Variants in SMIM21 observed in about 807,000 individuals in gnomAD.
SMIM21 encodes chromosome 18 open reading frame 62.
SMIM21 carries 8 observed loss-of-function variants against 8.6 expected under a neutral mutation model. The observed-to-expected ratio is 0.93, with a 90% CI of 0.55 to 1.68. The LOEUF (loss-of-function observed/expected upper bound fraction) is 1.68, where lower values mean the gene tolerates loss of function less well. Ranked by LOEUF, SMIM21 falls within the 40% of genes most tolerant of loss-of-function variation. The pLI is 0.00. For synonymous variants in SMIM21, 43 were observed against 41.7 expected (o/e 1.03, Z -0.12); for missense variants, 132 against 123.0 (o/e 1.07, Z -0.35).
At chr18:75,426,570 A>G (rs959080297) in intron 1 of SMIM21, among the ~76,000 whole-genome samples, 3 of 145,000 alleles carry the variant, frequency 2.1e-5, no homozygotes, top group African/African-American at 5.2e-5. Flanking sequence ...CGGCCTCCCA[A>G]AGTGCTGAGA....
chr18:75,422,822 C>T (rs2024723444), intron 1 of SMIM21, among the ~76,000 whole-genome samples: 1 of 152,134 alleles, frequency 6.6e-6, no homozygotes, highest in African/African-American at 2.4e-5. Flanking sequence ...GGAGTGACTG[C>T]TGATGGTCAT....
Position 75,427,516 on chromosome 18 carries a change from C to T in SMIM21, c.48G>A (p.Gln16=). 6.2e-7 allele frequency: 1 copy of T among 1,614,004 alleles called. No individual in the cohort carries two copies. Among genetic ancestry groups the T allele is most frequent in the South Asian group, 1.1e-5 (1 of 91,056 alleles). The change falls in exon 1 of 3, where the codon CAG becomes CAA. Residue 16 remains glutamine (Q), a synonymous_variant. Transcript: ENST00000579022. ...STAPPRFPIA[Q]LGTFKQDSAG... ...CAGAGTCTTGTTTAAATGTTCCCAG[C>T]TGTGCTATAGGGAATCGGGGAGGAG...
intron 1 of SMIM21, among the ~76,000 whole-genome samples, chr18:75,422,644 G>T (rs2024721765): frequency 6.6e-6 from 1 of 152,190 alleles, no homozygotes; most frequent in Admixed American, 6.5e-5. Context: ...AAAAAGGAGT[G>T]AAGGTAGACA....
intron 1 of SMIM21, among the ~76,000 whole-genome samples, chr18:75,423,219 C>T (rs2024727992): frequency 1.3e-5 from 2 of 152,192 alleles, no homozygotes; most frequent in Admixed American, 1.3e-4. Context: ...GGTGAGGGTT[C>T]AAGGTTGAAG....
At chr18:75,423,847 G>T (rs2024733707) in intron 1 of SMIM21, among the ~76,000 whole-genome samples, 1 of 152,136 alleles carries the variant, frequency 6.6e-6, no homozygotes, top group African/African-American at 2.4e-5. Flanking sequence ...GTGTACAAGA[G>T]ACATAAAAGT....
intron 2 of SMIM21, among the ~76,000 whole-genome samples, chr18:75,412,115 G>T (rs1432269832): frequency 1.3e-5 from 2 of 152,160 alleles, no homozygotes; most frequent in African/African-American, 4.8e-5. Context: ...GTCCCCCAAG[G>T]CTTCCTGAGC....
At chr18:75,416,288 G>A (rs967809662) in intron 2 of SMIM21, 7 of 152,108 alleles carry the variant, frequency 4.6e-5, no homozygotes, top group East Asian at 3.8e-4. Flanking sequence ...AATCAATACC[G>A]TGGTTGAGCA....
At chr18:75,426,507 C>T (rs2024763812) in intron 1 of SMIM21, among the ~76,000 whole-genome samples, 1 of 151,726 alleles carries the variant, frequency 6.6e-6, no homozygotes, top group Non-Finnish European at 1.5e-5. Context: ...GATGGGGTTT[C>T]ACTGTGTTAG....
intron 2 of SMIM21, among the ~76,000 whole-genome samples, chr18:75,415,765 A>T (rs1318040895): frequency 6.6e-6 from 1 of 152,236 alleles, no homozygotes; most frequent in Non-Finnish European, 1.5e-5. Flanking sequence ...GGTAGCAAAG[A>T]CATCTTTTCA....
At chr18:75,421,999 C>T (rs1019913203) in intron 1 of SMIM21, among the ~76,000 whole-genome samples, 1 of 152,088 alleles carries the variant, frequency 6.6e-6, no homozygotes, top group Non-Finnish European at 1.5e-5. Flanking sequence ...ACCAATATGA[C>T]GTGATTGGGG....
chr18:75,423,580 G>T (rs2024731301), intron 1 of SMIM21, among the ~76,000 whole-genome samples: 1 of 152,256 alleles, frequency 6.6e-6, no homozygotes, highest in Admixed American at 6.5e-5. Flanking sequence ...GAGATTTGGA[G>T]AAGTCACTTT....
intron 2 of SMIM21, among the ~76,000 whole-genome samples, chr18:75,413,362 T>A (rs1487644575): frequency 6.6e-6 from 1 of 152,218 alleles, no homozygotes; most frequent in Non-Finnish European, 1.5e-5. Context: ...TATTTTCTCC[T>A]GATCACCCCC....
intron 1 of SMIM21, among the ~76,000 whole-genome samples, chr18:75,420,407 G>A (rs1462868217): frequency 6.6e-6 from 1 of 151,960 alleles, no homozygotes; most frequent in Non-Finnish European, 1.5e-5. Context: ...ACAAAATCAG[G>A]GTCTCTGTCT....
At chr18:75,418,310 TG>T (rs1413637333) in intron 2 of SMIM21, 2 of 394,992 alleles carry the variant, frequency 5.1e-6, no homozygotes, top group African/African-American at 4.1e-5. Flanking sequence ...TAAGCACAAC[TG>T]GAATCACTCT....
chr18:75,415,830 T>C (rs1021104515), intron 2 of SMIM21, among the ~76,000 whole-genome samples: 2 of 152,246 alleles, frequency 1.3e-5, no homozygotes, highest in African/African-American at 4.8e-5. Context: ...TTCAGCTTAA[T>C]GGTGGCATTA....
At chr18:75,417,657 T>A (rs1196961265) in intron 2 of SMIM21, 1 of 152,216 alleles carries the variant, frequency 6.6e-6, no homozygotes, top group African/African-American at 2.4e-5. Context: ...CTCTCTAGGG[T>A]TAGCTTGGCT....
At chr18:75,425,091 A>C (rs2024747737) in intron 1 of SMIM21, among the ~76,000 whole-genome samples, 1 of 152,132 alleles carries the variant, frequency 6.6e-6, no homozygotes, top group Non-Finnish European at 1.5e-5. Flanking sequence ...AAATGTGCAC[A>C]CCTCAGCTGA....
At chr18:75,418,154 A>G (rs1168971597) in intron 2 of SMIM21, 3 of 398,372 alleles carry the variant, frequency 7.5e-6, no homozygotes, top group Non-Finnish European at 1.3e-5. Context: ...TGTTGAAAAC[A>G]CAAAAAGCCT....
chr18:75,426,020 G>T (rs1483815939), intron 1 of SMIM21, among the ~76,000 whole-genome samples: 3 of 151,918 alleles, frequency 2.0e-5, no homozygotes, highest in African/African-American at 7.3e-5. Context: ...ATTGCCCACC[G>T]AGTGCCTCCT....
Sources: gnomAD v4.1 joint callset for allele counts (sites outside exome capture counted in the v4.1 genomes callset) on GRCh38, gnomAD v4.1.1 for gene constraint, MANE v1.5 for transcripts, NCBI Gene and HGNC (gene_info 2026-07-23, HGNC 2026-07-21) for gene names.